The following MAML3 variants were observed in gnomAD, a reference collection of about 807,000 sequenced individuals.
MAML3 encodes mastermind like transcriptional coactivator 3.
A neutral mutation model predicts 101.9 loss-of-function variants in MAML3; 27 were observed. The ratio of observed to expected loss-of-function variants is 0.27; its 90% CI spans 0.20 to 0.37. The LOEUF is 0.37. Ranked by LOEUF, MAML3 falls within the 10% of genes least tolerant of loss-of-function variation. The probability of loss-of-function intolerance (pLI) is 1.00; values close to 1 mark genes in which losing one functional copy is unlikely to be tolerated. For synonymous variants in MAML3, 501 were observed against 555.9 expected (o/e 0.90, Z 1.39); for missense variants, 1,316 against 1,444.9 (o/e 0.91, Z 1.45).
chr4:139,933,429 CA>C (rs1023040298), intron 1 of MAML3, among the ~76,000 whole-genome samples: 5 of 152,168 alleles, frequency 3.3e-5, no homozygotes, highest in African/African-American at 1.2e-4. Flanking sequence ...CAAATAGGAG[CA>C]AGGGGTGGGG....
rs1043804568 is a variant in MAML3 at position 140,011,430 on chromosome 4, C to T, written c.469-120463G>A. Among the ~76,000 whole-genome samples, 9 of 144,250 alleles carry T rather than the reference C, an allele frequency of 6.2e-5. No individual in the cohort carries two copies. The Admixed American group carries it at 6.3e-4, about 10-fold the overall frequency. The allele number at this position is 144,250 out of a possible 152,430, so 94.6% of individuals were successfully genotyped here. On this transcript the variant is annotated intron_variant, in intron 1 of 4. Transcript: ENST00000509479. ...CGCAATCTCGGCTCACTGCAAGCTC[C>T]GCTTCCCGGGTTCACGCCATTCTCC...
chr4:139,843,737 C>A (rs776303066), intron 2 of MAML3, among the ~76,000 whole-genome samples: 17 of 152,122 alleles, frequency 1.1e-4, no homozygotes, highest in Non-Finnish European at 1.9e-4. Context: ...GTTTAATAAC[C>A]AAATTATTAC....
At chr4:139,809,069 G>A (rs1165547242) in intron 2 of MAML3, among the ~76,000 whole-genome samples, 2 of 152,218 alleles carry the variant, frequency 1.3e-5, no homozygotes, top group Non-Finnish European at 2.9e-5. Flanking sequence ...TATGTGACCA[G>A]TCAAAAGGGC....
chr4:139,829,109 G>C (rs1185871520), intron 2 of MAML3, among the ~76,000 whole-genome samples: 1 of 147,634 alleles, frequency 6.8e-6, no homozygotes, highest in Non-Finnish European at 1.5e-5. Context: ...AGGAAAGAAA[G>C]GAAGAAAGAG....
chr4:139,990,958 C>T (rs1247297383), intron 1 of MAML3, among the ~76,000 whole-genome samples: 5 of 152,218 alleles, frequency 3.3e-5, no homozygotes, highest in Middle Eastern at 3.4e-3. Flanking sequence ...ATCAATAACA[C>T]GAAAATGGTC....
chr4:140,004,823 G>A (rs920307836), intron 1 of MAML3, among the ~76,000 whole-genome samples: 1 of 152,054 alleles, frequency 6.6e-6, no homozygotes, highest in African/African-American at 2.4e-5. Context: ...CTAGCCGAAA[G>A]GAGGGCTACC....
chr4:139,929,155 T>C (rs892720727), intron 1 of MAML3, among the ~76,000 whole-genome samples: 4 of 152,196 alleles, frequency 2.6e-5, no homozygotes, highest in Non-Finnish European at 5.9e-5. Context: ...ATCGCTTCCC[T>C]GTGACTATTT....
At chr4:140,060,063 C>A (rs1275165386) in intron 1 of MAML3, among the ~76,000 whole-genome samples, 1 of 151,910 alleles carries the variant, frequency 6.6e-6, no homozygotes, top group Non-Finnish European at 1.5e-5. Context: ...AACAATAGAG[C>A]CATTAGAAGC....
In MAML3 at chr4:139,802,454, A is replaced by G. The variant is rs1730626606; in HGVS notation, c.2080-71787T>C. Reference sequence around the variant, plus strand: ...CTGCCATGCCCGACTTCCTCTCATCACCTTACCTTTGGCTTACTGCTTTTC... The same window carrying G: ...CTGCCATGCCCGACTTCCTCTCATCGCCTTACCTTTGGCTTACTGCTTTTC... On this transcript the variant is annotated intron_variant, in intron 2 of 4. Transcript: ENST00000509479. 4.6e-5 allele frequency among the ~76,000 whole-genome samples: 7 copies of G among 151,718 alleles called. No homozygotes were observed. In the South Asian group the frequency reaches 1.5e-3, roughly 32 times the overall value.
chr4:139,782,417 T>C (rs1352184638), intron 2 of MAML3, among the ~76,000 whole-genome samples: 1 of 152,190 alleles, frequency 6.6e-6, no homozygotes, highest in Non-Finnish European at 1.5e-5. Flanking sequence ...TCCTCCCACC[T>C]CAGCCTCCCA....
At chr4:140,066,392 C>T (rs1727536706) in intron 1 of MAML3, among the ~76,000 whole-genome samples, 1 of 152,188 alleles carries the variant, frequency 6.6e-6, no homozygotes, top group East Asian at 1.9e-4. Context: ...ATATGTGCAA[C>T]AGGTTCCCTG....
intron 1 of MAML3, among the ~76,000 whole-genome samples, chr4:140,025,302 A>T (rs1368315398): frequency 6.6e-6 from 1 of 152,178 alleles, no homozygotes; most frequent in East Asian, 1.9e-4. Context: ...ATAAGGGTGA[A>T]ATGACACATC....
At chr4:139,991,451 A>G (rs1734670572) in intron 1 of MAML3, among the ~76,000 whole-genome samples, 1 of 152,210 alleles carries the variant, frequency 6.6e-6, no homozygotes, top group Non-Finnish European at 1.5e-5. Context: ...TAAAAACCCT[A>G]CAAGAAAACC....
intron 2 of MAML3, among the ~76,000 whole-genome samples, chr4:139,778,669 T>C (rs1730137247): frequency 6.6e-6 from 1 of 152,200 alleles, no homozygotes. Flanking sequence ...AAGGCCCTTG[T>C]GGTTCCACGT....
At chr4:140,021,863 T>C (rs1489086038) in intron 1 of MAML3, among the ~76,000 whole-genome samples, 1 of 152,188 alleles carries the variant, frequency 6.6e-6, no homozygotes, top group Admixed American at 6.5e-5. Flanking sequence ...CCATCAGCAC[T>C]GTCATCATAA....
At chr4:140,151,760 C>T (rs563372661) in intron 1 of MAML3, among the ~76,000 whole-genome samples, 443 of 152,120 alleles carry the variant, frequency 2.9e-3, no homozygotes, top group Non-Finnish European at 5.7e-3. Flanking sequence ...GCAAAAGAAC[C>T]GGAGAGGGGA....
chr4:139,841,614 G>A (rs1345847794), intron 2 of MAML3, among the ~76,000 whole-genome samples: 1 of 152,200 alleles, frequency 6.6e-6, no homozygotes, highest in Non-Finnish European at 1.5e-5. Context: ...TAAACCTAGT[G>A]TCACGTCAAG....
intron 2 of MAML3, among the ~76,000 whole-genome samples, chr4:139,747,616 C>T (rs928803212): frequency 7.9e-5 from 12 of 151,608 alleles, no homozygotes; most frequent in African/African-American, 2.7e-4. Flanking sequence ...ACTGCCTGAA[C>T]CGGGAGGGTG....
intron 2 of MAML3, among the ~76,000 whole-genome samples, chr4:139,848,687 G>A (rs530574720): frequency 2.6e-5 from 4 of 152,208 alleles, no homozygotes; most frequent in Non-Finnish European, 5.9e-5. Context: ...ATGCACTTAC[G>A]TCTTATATAA....
Sources: allele counts gnomAD v4.1 joint callset (sites outside exome capture counted in the v4.1 genomes callset), GRCh38; gene constraint gnomAD v4.1.1; transcripts MANE v1.5; gene names NCBI Gene and HGNC (gene_info 2026-07-23, HGNC 2026-07-21).